Variants in SLC26A4 observed in about 807,000 individuals in gnomAD.
SLC26A4 encodes pendrin.
SLC26A4 carries 93 observed loss-of-function variants against 90.4 expected under a neutral mutation model. The ratio of observed to expected loss-of-function variants is 1.03; its 90% CI spans 0.87 to 1.22. The LOEUF (loss-of-function observed/expected upper bound fraction) is 1.22, where lower values mean the gene tolerates loss of function less well. Ranked by LOEUF, SLC26A4 falls within the 50% of genes most tolerant of loss-of-function variation. The probability of loss-of-function intolerance (pLI) is 0.00; values close to 1 mark genes in which losing one functional copy is unlikely to be tolerated. For synonymous variants in SLC26A4, 393 were observed against 354.6 expected (o/e 1.11, Z -1.22); for missense variants, 1,127 against 946.2 (o/e 1.19, Z -2.51).
At chr7:107,680,438 A>C (rs1791200979) in intron 6 of SLC26A4, among the ~76,000 whole-genome samples, 1 of 127,304 alleles carries the variant, frequency 7.9e-6, no homozygotes, top group East Asian at 2.1e-4. Context: ...TATAAGTATA[A>C]TCTTTTATTA....
intron 16 of SLC26A4, 101 bp from the exon 17 acceptor site, chr7:107,701,726 T>C: frequency 1.2e-6 from 1 of 820,398 alleles, no homozygotes; most frequent in Admixed American, 1.9e-5. Flanking sequence ...GATGTCTTGC[T>C]TACCAAGGAA....
At position 107,700,093 on chromosome 7, in the gene SLC26A4, C is replaced by G. The variant is rs777023979; in HGVS notation, c.1625C>G (p.Pro542Arg). The change falls in exon 15 of 21, where the codon CCT becomes CGT. Residue 542 changes from proline to arginine, a missense_variant. Physicochemically the swap from Pro to Arg is moderately radical, Grantham distance 103. Transcript: ENST00000644269. ...STKNYKNIEEPQGVKILRFSS... is the reference protein window; with the variant it reads ...STKNYKNIEERQGVKILRFSS... ...TTCTTTTAATGCCAGATTGAAGAAC[C>G]TCAAGGAGTGAAGATTCTTAGATTT... 20 of 1,556,234 alleles carry G rather than the reference C, an allele frequency of 1.3e-5. No homozygotes were observed. In the East Asian group the frequency reaches 3.6e-4, roughly 28 times the overall value.
rs774716178 is a variant in SLC26A4, at chr7:107,683,370, A to G, written c.918+16A>G. On this transcript the variant is annotated intron_variant, in intron 7 of 20. Transcript: ENST00000644269. ...AGTAATTGTGGTAAGTAGAATATGT[A>G]GTTAGAAAGTTCAGCATTATTTGGT... 1.8e-5 allele frequency: 29 copies of G among 1,612,382 alleles called. No individual in the cohort carries two copies. The highest frequency in any genetic ancestry group is 2.3e-5 in the Non-Finnish European group (27 of 1,178,432).
intron 8 of SLC26A4, among the ~76,000 whole-genome samples, chr7:107,686,377 CCT>C (rs1584321141): frequency 2.2e-5 from 3 of 139,076 alleles, no homozygotes; most frequent in East Asian, 2.2e-4. Flanking sequence ...CCTTTCCTCC[CCT>C]TCCTTCCTTC....
rs139015437 is a variant in SLC26A4, at chr7:107,674,050, A to G, written c.416-114A>G. ...CCGGCTCAGCTTCTTTCGTGAACAA[A>G]CAATATTTTCCTAGTCACAGCTAAA... On this transcript the variant is annotated intron_variant, in intron 4 of 20. Coordinates refer to ENST00000644269, the MANE Select transcript of SLC26A4 (RefSeq NM_000441.2). 1.4e-3 allele frequency: 1,584 copies of G among 1,128,200 alleles called. 10 individuals are homozygous for G. The Middle Eastern group carries it at 0.015, about 10-fold the overall frequency. 69.9% of individuals were successfully genotyped at this position (1,128,200 alleles called of 1,614,324 possible). A position where few individuals can be genotyped will look rare whatever the true frequency, so the allele number is the denominator to read the frequency against.
In SLC26A4 at chr7:107,709,027, G is replaced by A. The variant is rs148291741; in HGVS notation, c.2090-1027G>A. 2.9e-3 allele frequency among the ~76,000 whole-genome samples: 449 copies of A among 152,322 alleles called. 6 individuals are homozygous for A. Among genetic ancestry groups the A allele is most frequent in the African/African-American group, 0.01 (422 of 41,570 alleles). ...GGGATTCTTGCACAAGCGATTTATT[G>A]AGAATACATCTGAGGAAATTTATGA... On this transcript the variant is annotated intron_variant, in intron 18 of 20. Transcript: ENST00000644269.
intron 13 of SLC26A4, 26 bp from the exon 14 acceptor site, chr7:107,698,016 C>G: frequency 6.6e-7 from 1 of 1,504,590 alleles, no homozygotes; most frequent in Non-Finnish European, 9.3e-7. Flanking sequence ...TCCAAAAAAT[C>G]TTGACCTTGA....
chr7:107,675,060 T>A lies in SLC26A4; in HGVS notation c.716T>A (p.Val239Asp), dbSNP rs111033256. 154 of 1,613,904 alleles carry A rather than the reference T, an allele frequency of 9.5e-5. No individual in the cohort carries two copies. In the South Asian group the frequency reaches 1.6e-3, roughly 16 times the overall value. The part of the protein sequence containing the change: ...FQVLVSQLKI[V>D]LNVSTKNYNG... ...GTGCTGGTCTCACAGCTAAAGATTG[T>A]CCTCAATGTTTCAACCAAAAACTAC... The change falls in exon 6 of 21, where the codon GTC becomes GAC. Residue 239 changes from valine (V) to aspartate (D), a missense_variant. Transcript: ENST00000644269.
intron 6 of SLC26A4, among the ~76,000 whole-genome samples, chr7:107,682,174 A>G (rs1321391827): frequency 6.6e-6 from 1 of 151,418 alleles, no homozygotes; most frequent in Non-Finnish European, 1.5e-5. Context: ...AATAAAATTA[A>G]GTACCAAATT....
intron 20 of SLC26A4, among the ~76,000 whole-genome samples, chr7:107,713,774 C>G (rs1792262199): frequency 6.6e-6 from 1 of 152,170 alleles, no homozygotes; most frequent in Admixed American, 6.6e-5. Context: ...CATTTTCATA[C>G]AAGCTATGGT....
rs1461362642 is a variant in SLC26A4 at position 107,683,238 on chromosome 7, A to G, written c.802A>G (p.Asn268Asp). The G allele has an allele frequency of 6.2e-7, 1 of 1,612,706 alleles. No individual in the cohort carries two copies. The highest frequency in any genetic ancestry group is 8.5e-7 in the Non-Finnish European group (1 of 1,179,734). Residue 268 changes from asparagine (N) to aspartate (D), a missense_variant, in exon 7 of 21, where the codon AAT becomes GAT. Coordinates refer to ENST00000644269, the MANE Select transcript of SLC26A4 (RefSeq NM_000441.2). ...VEIFQNIGDT[N>D]LADFTAGLLT... ...GATTTTTCAAAATATTGGTGATACC[A>G]ATCTTGCTGATTTCACTGCTGGATT...
chr7:107,673,002 C>T (rs888693733), intron 4 of SLC26A4, among the ~76,000 whole-genome samples: 1 of 152,166 alleles, frequency 6.6e-6, no homozygotes, highest in Non-Finnish European at 1.5e-5. Context: ...ATCCCCAACC[C>T]ATGTTTTTGT....
At chr7:107,678,266 G>A (rs1351685648) in intron 6 of SLC26A4, among the ~76,000 whole-genome samples, 1 of 151,994 alleles carries the variant, frequency 6.6e-6, no homozygotes, top group Non-Finnish European at 1.5e-5. Flanking sequence ...TACTTACCAT[G>A]TGCCAGGCAC....
chr7:107,691,283 A>G (rs1329022660), intron 10 of SLC26A4, among the ~76,000 whole-genome samples: 2 of 151,810 alleles, frequency 1.3e-5, no homozygotes, highest in East Asian at 1.9e-4. Context: ...GGGCGGATCA[A>G]TTGAGGTCAG....
chr7:107,704,512 T>A (rs1791987986), intron 18 of SLC26A4, 127 bp downstream of exon 18: 2 of 602,368 alleles, frequency 3.3e-6, no homozygotes, highest in South Asian at 3.7e-5. Flanking sequence ...CAATTGTCAT[T>A]ATTTGCAGTT....
At chr7:107,677,523 T>C (rs912422374) in intron 6 of SLC26A4, among the ~76,000 whole-genome samples, 4 of 152,128 alleles carry the variant, frequency 2.6e-5, no homozygotes, top group Admixed American at 2.6e-4. Flanking sequence ...TAGGAAACAT[T>C]AGCAAAAGTT....
At position 107,667,637 on chromosome 7, in the gene SLC26A4, T is replaced by C. The variant is rs989427583; in HGVS notation, c.304+4202T>C. On this transcript the variant is annotated intron_variant, in intron 3 of 20. Transcript: ENST00000644269. ...AATTTGTTTTTCTTAATATGGGAGA[T>C]ACTAGAACGTATTTGTGAACCGATA... Among the ~76,000 whole-genome samples, 9 of 151,950 alleles carry C rather than the reference T, an allele frequency of 5.9e-5. No individual in the cohort carries two copies. In the East Asian group the frequency reaches 9.7e-4, roughly 16 times the overall value.
intron 3 of SLC26A4, among the ~76,000 whole-genome samples, chr7:107,669,746 C>T (rs1299403226): frequency 2.0e-5 from 3 of 152,136 alleles, no homozygotes; most frequent in Admixed American, 1.3e-4. Context: ...CTAGAAAATA[C>T]ATATAAGGAA....
At chr7:107,689,540 G>A (rs1481962523) in intron 9 of SLC26A4, among the ~76,000 whole-genome samples, 3 of 152,170 alleles carry the variant, frequency 2.0e-5, no homozygotes, top group Non-Finnish European at 1.5e-5. Flanking sequence ...CAGTTATAAT[G>A]TGACAAAACA....
Sources: allele counts gnomAD v4.1 joint callset (sites outside exome capture counted in the v4.1 genomes callset), GRCh38; gene constraint gnomAD v4.1.1; transcripts MANE v1.5; gene names NCBI Gene and HGNC (gene_info 2026-07-23, HGNC 2026-07-21).